POU6F2: variants seen among roughly 807,000 people sequenced by gnomAD.
POU6F2 encodes POU class 6 homeobox 2, also known as POU domain, class 6, transcription factor 2.
POU6F2 carries 31 observed loss-of-function variants against 71.3 expected under a neutral mutation model. That is an observed-to-expected ratio of 0.43 (90% CI 0.33 to 0.59). The LOEUF is 0.59. POU6F2 is among the 20% of genes least tolerant of loss of function. The pLI is 0.04. For missense variants in POU6F2, 783 were observed against 856.8 expected (o/e 0.91, Z 1.07); for synonymous variants, 347 against 355.7 (o/e 0.98, Z 0.27).
intron 2 of POU6F2, among the ~76,000 whole-genome samples, chr7:39,170,910 T>C (rs977788419): frequency 1.1e-4 from 16 of 151,174 alleles, no homozygotes; most frequent in African/African-American, 2.9e-4. Context: ...TTGCTTTCAC[T>C]TTACAAAAAA....
intron 1 of POU6F2, chr7:39,084,927 A>G (rs999189448): frequency 3.3e-5 from 5 of 152,160 alleles, no homozygotes; most frequent in African/African-American, 1.2e-4. Context: ...AATATTATGC[A>G]TCTCAGTTTG....
chr7:39,339,111 G>T (rs1264625299), intron 4 of POU6F2, among the ~76,000 whole-genome samples: 1 of 150,990 alleles, frequency 6.6e-6, no homozygotes, highest in African/African-American at 2.4e-5. Context: ...TTAGAAATTT[G>T]ACACTAAGAC....
At chr7:38,994,708 A>G (rs1330139989) in intron 1 of POU6F2, among the ~76,000 whole-genome samples, 2 of 149,748 alleles carry the variant, frequency 1.3e-5, no homozygotes, top group African/African-American at 2.5e-5. Flanking sequence ...CTTTACCACT[A>G]CTCTTCCCCT....
chr7:39,098,788 A>G (rs1791510352), intron 2 of POU6F2, among the ~76,000 whole-genome samples: 1 of 152,232 alleles, frequency 6.6e-6, no homozygotes, highest in Non-Finnish European at 1.5e-5. Context: ...CCTATAGAGT[A>G]CCTGGAATGT....
intron 5 of POU6F2, among the ~76,000 whole-genome samples, chr7:39,366,193 G>A (rs1429855722): frequency 6.6e-6 from 1 of 152,198 alleles, no homozygotes; most frequent in Non-Finnish European, 1.5e-5. Context: ...AAAGGCCAGA[G>A]AGTGGAATAC....
chr7:39,379,631 A>T (rs1477520050), intron 5 of POU6F2, among the ~76,000 whole-genome samples: 1 of 152,204 alleles, frequency 6.6e-6, no homozygotes, highest in Non-Finnish European at 1.5e-5. Context: ...GTAGAGCCAG[A>T]CAGTCTACAA....
At chr7:39,418,977 A>ATATATGTG (rs1562544223) in intron 6 of POU6F2, among the ~76,000 whole-genome samples, 6 of 139,582 alleles carry the variant, frequency 4.3e-5, no homozygotes, top group African/African-American at 1.4e-4. Flanking sequence ...GTATATATGT[A>ATATATGTG]TATATATGTG....
intron 5 of POU6F2, among the ~76,000 whole-genome samples, chr7:39,348,009 G>A (rs1786063937): frequency 6.9e-6 from 1 of 143,944 alleles, no homozygotes; most frequent in African/African-American, 2.5e-5. Context: ...CAAATTAATA[G>A]GGAAATAACA....
At chr7:39,261,820 T>C (rs73380999) in intron 4 of POU6F2, among the ~76,000 whole-genome samples, 2,687 of 152,336 alleles carry the variant, frequency 0.018, 76 homozygotes, top group African/African-American at 0.062. Context: ...GCAGATTGCA[T>C]ATTTTCTGGT....
At chr7:39,040,063 T>TACA (rs1790151655) in intron 1 of POU6F2, among the ~76,000 whole-genome samples, 2 of 404 alleles carry the variant, frequency 5.0e-3, no homozygotes, top group Admixed American at 0.062. Context: ...CTTTTAAAGT[T>TACA]TATATATATT....
chr7:39,391,638 T>A (rs1245273207), intron 5 of POU6F2, among the ~76,000 whole-genome samples: 1 of 152,186 alleles, frequency 6.6e-6, no homozygotes, highest in East Asian at 1.9e-4. Flanking sequence ...AGCAGCTGTG[T>A]CTCTGTCAAC....
At chr7:39,284,540 T>C (rs1474470320) in intron 4 of POU6F2, among the ~76,000 whole-genome samples, 2 of 152,258 alleles carry the variant, frequency 1.3e-5, no homozygotes, top group East Asian at 1.9e-4. Context: ...TTCATAAATA[T>C]ACTGACATAC....
intron 4 of POU6F2, among the ~76,000 whole-genome samples, chr7:39,329,447 C>T (rs1035722299): frequency 6.6e-6 from 1 of 152,070 alleles, no homozygotes; most frequent in East Asian, 1.9e-4. Flanking sequence ...ATAGTATAAA[C>T]ACCTCTGATA....
At chr7:39,178,619 C>G (rs1056066012) in intron 2 of POU6F2, among the ~76,000 whole-genome samples, 10 of 152,142 alleles carry the variant, frequency 6.6e-5, no homozygotes, top group African/African-American at 2.4e-4. Context: ...ACCTTGTGAT[C>G]TTCATAAAGT....
At chr7:39,336,978 G>T (rs1403064689) in intron 4 of POU6F2, among the ~76,000 whole-genome samples, 2 of 152,168 alleles carry the variant, frequency 1.3e-5, no homozygotes, top group African/African-American at 4.8e-5. Flanking sequence ...CTTTTCAAGT[G>T]CTTTTGACTT....
At chr7:39,215,905 T>C (rs1163647403) in intron 4 of POU6F2, among the ~76,000 whole-genome samples, 1 of 152,232 alleles carries the variant, frequency 6.6e-6, no homozygotes, top group Non-Finnish European at 1.5e-5. Flanking sequence ...TACATATGGG[T>C]CATAGGTGTG....
chr7:39,267,648 T>A (rs1562770120), intron 4 of POU6F2, among the ~76,000 whole-genome samples: 1 of 152,034 alleles, frequency 6.6e-6, no homozygotes, highest in Non-Finnish European at 1.5e-5. Context: ...TTATTTTTTT[T>A]TTTTAGAGGC....
At chr7:39,420,375 G>C (rs1486851144) in intron 6 of POU6F2, among the ~76,000 whole-genome samples, 1 of 152,214 alleles carries the variant, frequency 6.6e-6, no homozygotes, top group Non-Finnish European at 1.5e-5. Context: ...TCCAGACTCT[G>C]AGAATTCATT....
intron 4 of POU6F2, among the ~76,000 whole-genome samples, chr7:39,331,996 A>T (rs1007405366): frequency 5.9e-5 from 9 of 152,200 alleles, no homozygotes. Flanking sequence ...TAGTGTTATT[A>T]TAAAAAGAAA....
Sources: allele counts gnomAD v4.1 joint callset (sites outside exome capture counted in the v4.1 genomes callset), GRCh38; gene constraint gnomAD v4.1.1; transcripts MANE v1.5; gene names NCBI Gene and HGNC (gene_info 2026-07-23, HGNC 2026-07-21).